Variants in FSTL4 observed in about 807,000 individuals in gnomAD.
FSTL4 encodes follistatin-related protein 4.
Under a neutral mutation model 78.2 loss-of-function variants are expected in FSTL4, and 28 were observed. The observed-to-expected ratio is 0.36, with a 90% CI of 0.27 to 0.49. The LOEUF (loss-of-function observed/expected upper bound fraction) is 0.49. Among genes scored for constraint, FSTL4 ranks in the 20% least tolerant of loss-of-function variants. The probability of loss-of-function intolerance (pLI) is 0.98; values close to 1 mark genes in which losing one functional copy is unlikely to be tolerated. For missense variants in FSTL4, 922 were observed against 1,084.9 expected (o/e 0.85, Z 2.11); for synonymous variants, 422 against 440.5 (o/e 0.96, Z 0.53).
the FSTL4 span, among the ~76,000 whole-genome samples, chr5:133,701,231 C>T: frequency 2.0e-5 from 3 of 151,164 alleles, no homozygotes; most frequent in Non-Finnish European, 4.4e-5. Context: ...AGTGAAACCC[C>T]GTCTCTACTA....
chr5:133,747,707 C>T, the FSTL4 span, among the ~76,000 whole-genome samples: 1 of 152,158 alleles, frequency 6.6e-6, no homozygotes. Flanking sequence ...ATTTTATTAG[C>T]ACCTAAAGAG....
At chr5:133,411,032 T>G (rs1166373720) in intron 3 of FSTL4, among the ~76,000 whole-genome samples, 2 of 152,180 alleles carry the variant, frequency 1.3e-5, no homozygotes, top group Non-Finnish European at 2.9e-5. Context: ...GCTGGTCTGC[T>G]CTACCCCTGA....
intron 3 of FSTL4, among the ~76,000 whole-genome samples, chr5:133,413,853 CAGA>C (rs1405946016): frequency 4.6e-5 from 7 of 152,116 alleles, no homozygotes; most frequent in Non-Finnish European, 8.8e-5. Flanking sequence ...TTTGAATTTT[CAGA>C]AGTTCTTTTT....
At chr5:133,205,170 C>T (rs1750455965) in intron 14 of FSTL4, among the ~76,000 whole-genome samples, 3 of 152,038 alleles carry the variant, frequency 2.0e-5, no homozygotes, top group African/African-American at 7.2e-5. Context: ...TCCTTCTATT[C>T]CTATGTTTAG....
chr5:133,813,705 G>T, the FSTL4 span, among the ~76,000 whole-genome samples: 1 of 152,184 alleles, frequency 6.6e-6, no homozygotes, highest in African/African-American at 2.4e-5. Flanking sequence ...TTTGCTGCAT[G>T]TGTAAATAAT....
chr5:133,249,636 C>G (rs1002509778), intron 6 of FSTL4, 60 bp from the exon 7 acceptor site: 135 of 1,370,576 alleles, frequency 9.8e-5, no homozygotes, highest in Admixed American at 2.4e-4. Flanking sequence ...AGTCTCAACT[C>G]AAGGTGAATA....
intron 6 of FSTL4, among the ~76,000 whole-genome samples, chr5:133,303,651 G>C (rs1195379320): frequency 6.6e-6 from 1 of 152,190 alleles, no homozygotes; most frequent in Non-Finnish European, 1.5e-5. Context: ...CCACAAGCTG[G>C]GCCTTGTAGT....
chr5:133,378,575 T>C (rs1316542021), intron 4 of FSTL4, among the ~76,000 whole-genome samples: 4 of 152,170 alleles, frequency 2.6e-5, no homozygotes, highest in Non-Finnish European at 2.9e-5. Context: ...ACATGTATTA[T>C]TGGGTTTGTA....
chr5:133,781,362 C>CG, the FSTL4 span, among the ~76,000 whole-genome samples: 1 of 106,018 alleles, frequency 9.4e-6, no homozygotes. Context: ...GATTGTTAAG[C>CG]GGTTGTGTGT....
chr5:133,229,728 G>C (rs754885123), intron 8 of FSTL4, among the ~76,000 whole-genome samples: 1 of 152,232 alleles, frequency 6.6e-6, no homozygotes, highest in Non-Finnish European at 1.5e-5. Context: ...CGTTCTGAGT[G>C]TGGCACCGCC....
intron 4 of FSTL4, among the ~76,000 whole-genome samples, chr5:133,349,196 A>G (rs997067451): frequency 6.6e-6 from 1 of 152,214 alleles, no homozygotes; most frequent in Non-Finnish European, 1.5e-5. Flanking sequence ...ACAAACCCAG[A>G]GATGAGCAGT....
chr5:133,344,721 C>A (rs148418575), intron 4 of FSTL4, among the ~76,000 whole-genome samples: 1 of 152,290 alleles, frequency 6.6e-6, no homozygotes, highest in East Asian at 1.9e-4. Context: ...CCAGTTTCTT[C>A]ATCTTATTTT....
chr5:133,354,029 G>A (rs1475778868), intron 4 of FSTL4, among the ~76,000 whole-genome samples: 1 of 152,232 alleles, frequency 6.6e-6, no homozygotes, highest in African/African-American at 2.4e-5. Flanking sequence ...ACTGGCCGCA[G>A]GGTCAGGAGC....
At chr5:133,640,133 G>A in the FSTL4 span, among the ~76,000 whole-genome samples, 1 of 152,106 alleles carries the variant, frequency 6.6e-6, no homozygotes, top group Non-Finnish European at 1.5e-5. Flanking sequence ...CATTCTTTAA[G>A]GCTTTTCACT....
chr5:133,208,098 T>G (rs1750584162), intron 14 of FSTL4, among the ~76,000 whole-genome samples: 1 of 152,246 alleles, frequency 6.6e-6, no homozygotes, highest in Admixed American at 6.5e-5. Flanking sequence ...ACTTTTAATT[T>G]TAGATCTTCC....
chr5:133,546,970 C>T (rs75936838), intron 3 of FSTL4, among the ~76,000 whole-genome samples: 9,301 of 152,222 alleles, frequency 0.061, 347 homozygotes, highest in Non-Finnish European at 0.088. Flanking sequence ...TGTGAACACC[C>T]TGGGGGCCCA....
the FSTL4 span, among the ~76,000 whole-genome samples, chr5:133,785,362 C>T: frequency 1.3e-5 from 2 of 152,140 alleles, no homozygotes; most frequent in African/African-American, 2.4e-5. Flanking sequence ...AAGGAAAGCC[C>T]GGGAACGTTT....
chr5:133,396,066 T>G (rs910429445), intron 4 of FSTL4, among the ~76,000 whole-genome samples: 1 of 152,190 alleles, frequency 6.6e-6, no homozygotes, highest in Non-Finnish European at 1.5e-5. Context: ...TAAATAAATA[T>G]GGAGGGCCAA....
At chr5:133,386,513 C>T (rs1755704130) in intron 4 of FSTL4, among the ~76,000 whole-genome samples, 1 of 152,184 alleles carries the variant, frequency 6.6e-6, no homozygotes, top group African/African-American at 2.4e-5. Context: ...GTGGACTTTG[C>T]CTTCCTTTTG....
Sources: allele counts gnomAD v4.1 joint callset (sites outside exome capture counted in the v4.1 genomes callset), GRCh38; gene constraint gnomAD v4.1.1; transcripts MANE v1.5; gene names NCBI Gene and HGNC (gene_info 2026-07-23, HGNC 2026-07-21).